ANO5: variants seen among roughly 807,000 people sequenced by gnomAD.
The protein encoded by ANO5 is anoctamin-5.
Under a neutral mutation model 121.0 loss-of-function variants are expected in ANO5, and 109 were observed. The ratio of observed to expected loss-of-function variants is 0.90; its 90% confidence interval spans 0.77 to 1.06. The LOEUF is 1.06. Among genes scored for constraint, ANO5 ranks in the 50% least tolerant of loss-of-function variants. The pLI is 0.00. For missense variants in ANO5, 1,064 were observed against 1,078.5 expected, an observed-to-expected ratio of 0.99 and a Z score of 0.19; for synonymous variants, 406 against 359.9, an observed-to-expected ratio of 1.13 and a Z score of -1.45.
intron 4 of ANO5, among the ~76,000 whole-genome samples, chr11:22,220,424 A>T (rs1852602391): frequency 6.6e-6 from 1 of 151,988 alleles, no homozygotes. Flanking sequence ...AACTAACTAC[A>T]CAACACGTGA....
chr11:22,247,228 T>C (rs960345529), intron 9 of ANO5, among the ~76,000 whole-genome samples: 1 of 151,634 alleles, frequency 6.6e-6, no homozygotes. Flanking sequence ...CACAAGAGCA[T>C]TGTGTGTTTG....
Position 22,280,880 on chromosome 11 carries a change from T to C in ANO5, c.*1115T>C, listed in dbSNP as rs1429184080. Reference sequence around the variant, plus strand: ...GTGATGTAACATCTTAAATGTAAGCTTGTCTTAATGAAATTGTCAGTGTAA... The same window carrying C: ...GTGATGTAACATCTTAAATGTAAGCCTGTCTTAATGAAATTGTCAGTGTAA... On this transcript the variant is annotated 3_prime_UTR_variant, in exon 22 of 22. Coordinates refer to ENST00000324559, the MANE Select transcript of ANO5 (RefSeq NM_213599.3). 6 of 151,970 alleles carry C rather than the reference T, an allele frequency of 3.9e-5. No individual in the cohort carries two copies. Among genetic ancestry groups the C allele is most frequent in the Non-Finnish European group, 7.4e-5 (5 of 67,866 alleles). 9.4% of individuals were successfully genotyped at this position (151,970 alleles called of 1,614,324 possible).
chr11:22,238,705 A>G (rs1229714069), intron 8 of ANO5, among the ~76,000 whole-genome samples: 1 of 152,008 alleles, frequency 6.6e-6, no homozygotes, highest in Non-Finnish European at 1.5e-5. Flanking sequence ...AAAGATTTTC[A>G]CACGTGCTAA....
intron 3 of ANO5, among the ~76,000 whole-genome samples, chr11:22,211,674 C>T (rs1852281177): frequency 6.6e-6 from 1 of 151,874 alleles, no homozygotes; most frequent in Non-Finnish European, 1.5e-5. Context: ...TATTCTTTCT[C>T]CACTGCATCA....
chr11:22,273,762 C>CAAAT (rs146714624), intron 19 of ANO5, among the ~76,000 whole-genome samples: 2,509 of 152,030 alleles, frequency 0.017, 66 homozygotes, highest in African/African-American at 0.057. Flanking sequence ...ACTGGAAAGA[C>CAAAT]AAAGTAAGTA....
chr11:22,252,433 G>C (rs1853857104), intron 12 of ANO5, among the ~76,000 whole-genome samples: 1 of 152,134 alleles, frequency 6.6e-6, no homozygotes, highest in South Asian at 2.1e-4. Flanking sequence ...AGAGGAGTGG[G>C]TGTGTGTGGA....
chr11:22,244,405 G>C (rs1355778432), intron 9 of ANO5, among the ~76,000 whole-genome samples: 2 of 151,922 alleles, frequency 1.3e-5, no homozygotes, highest in African/African-American at 2.4e-5. Flanking sequence ...TCTCATCAGG[G>C]TTCTCCATCT....
intron 18 of ANO5, 67 bp downstream of exon 18, chr11:22,270,509 C>T: frequency 6.6e-7 from 1 of 1,522,242 alleles, no homozygotes; most frequent in Non-Finnish European, 9.1e-7. Context: ...GCTCCAGATA[C>T]TTCTTTCTGC....
chr11:22,211,119 C>A (rs979433089), intron 2 of ANO5, 145 bp from the exon 3 acceptor site: 77 of 864,878 alleles, frequency 8.9e-5, no homozygotes, highest in Non-Finnish European at 6.1e-5. Flanking sequence ...CACATATATG[C>A]CCACAGTTTT....
At chr11:22,195,744 T>TGTTTCCTGGCTCA (rs1851791203) in intron 1 of ANO5, among the ~76,000 whole-genome samples, 5 of 152,082 alleles carry the variant, frequency 3.3e-5, no homozygotes, top group African/African-American at 9.7e-5. Context: ...ACTCCCCCAT[T>TGTTTCCTGGCTCA]TTAAAAAAGG....
intron 1 of ANO5, among the ~76,000 whole-genome samples, chr11:22,202,047 G>A (rs539818136): frequency 6.6e-6 from 1 of 151,994 alleles, no homozygotes; most frequent in African/African-American, 2.4e-5. Context: ...GGTTGGAGAG[G>A]TTGGTTGGTT....
rs760350070 is a variant in ANO5, at chr11:22,226,064, T to G, written c.363+12T>G. 2 of 1,581,850 alleles carry G rather than the reference T, an allele frequency of 1.3e-6. No homozygotes were observed. Among genetic ancestry groups the G allele is most frequent in the Non-Finnish European group, 1.7e-6 (2 of 1,151,710 alleles). On this transcript the variant is annotated intron_variant, in intron 6 of 21. Transcript: ENST00000324559. The stretch of plus-strand genomic sequence containing the variant: ...TAGAAGACAAAAGGGTAAATGTAGT[T>G]GATAATTTATACAAGCCTCTTTAAT...
At position 22,280,785 on chromosome 11, in the gene ANO5, T is replaced by C. The variant is rs1054492509; in HGVS notation, c.*1020T>C. 6.6e-6 allele frequency: 1 copy of C among 152,020 alleles called. No homozygotes were observed. The highest frequency in any genetic ancestry group is 2.1e-4 in the South Asian group (1 of 4,836). 9.4% of individuals were successfully genotyped at this position (152,020 alleles called of 1,614,324 possible). A position where few individuals can be genotyped will look rare whatever the true frequency, so the allele number is the denominator to read the frequency against. ...CCTTTTCTATTGATGTATCATCTTATACAATGCTCAGTGCCTTGTTCCAAT... is the reference window on the plus strand; with the variant it reads ...CCTTTTCTATTGATGTATCATCTTACACAATGCTCAGTGCCTTGTTCCAAT... On this transcript the variant is annotated 3_prime_UTR_variant, in exon 22 of 22. Transcript: ENST00000324559.
chr11:22,267,525 A>ATATATATATATATATATATATATATAT lies in ANO5; in HGVS notation c.1899-2787_1899-2786insTATATATATATATATATATATATATAT, dbSNP rs1239852095. 2.0e-3 allele frequency among the ~76,000 whole-genome samples: 282 copies of ATATATATATATATATATATATATATAT among 139,882 alleles called. 10 individuals carry two copies. In the East Asian group the frequency reaches 0.023, roughly 12 times the overall value. The allele number at this position is 139,882 out of a possible 152,430, so 91.8% of individuals were successfully genotyped here. Reference sequence around the variant, plus strand: ...ATCTACAATTATATATATATATATAAAATCTATCTACAATTATACCAAGTG... The same window carrying ATATATATATATATATATATATATATAT: ...ATCTACAATTATATATATATATATAATATATATATATATATATATATATATATAATCTATCTACAATTATACCAAGTG... On this transcript the variant is annotated intron_variant, in intron 17 of 21. Transcript: ENST00000324559.
At chr11:22,215,770 A>T (rs1432151854) in intron 3 of ANO5, among the ~76,000 whole-genome samples, 11 of 151,952 alleles carry the variant, frequency 7.2e-5, no homozygotes, top group Admixed American at 7.2e-4. Context: ...ACAAACTATA[A>T]TTTATGTAGA....
intron 12 of ANO5, among the ~76,000 whole-genome samples, chr11:22,252,029 C>CAAAAAAAAAAAAAAAAAAAAAAAAAA (rs10525160): frequency 6.5e-5 from 3 of 45,856 alleles, no homozygotes; most frequent in Admixed American, 4.8e-4. Flanking sequence ...GACGCCGTCT[C>CAAAAAAAAAAAAAAAAAAAAAAAAAA]AAAAAAAAAA....
At chr11:22,248,972 C>T (rs760464969) in intron 9 of ANO5, among the ~76,000 whole-genome samples, 4 of 151,966 alleles carry the variant, frequency 2.6e-5, no homozygotes, top group Admixed American at 2.6e-4. Flanking sequence ...ATAATTTCTA[C>T]ATTTTTCAGA....
intron 7 of ANO5, among the ~76,000 whole-genome samples, chr11:22,234,533 A>C (rs1853150529): frequency 6.6e-6 from 1 of 152,152 alleles, no homozygotes; most frequent in Non-Finnish European, 1.5e-5. Context: ...CTCTCAAACT[A>C]AATCCTGTTC....
intron 7 of ANO5, among the ~76,000 whole-genome samples, chr11:22,228,538 A>G (rs76908258): frequency 0.017 from 2,658 of 151,966 alleles, 38 homozygotes; most frequent in Middle Eastern, 0.027. Flanking sequence ...TTGATACTTT[A>G]TTGTTAATGT....
Sources: allele counts gnomAD v4.1 joint callset (sites outside exome capture counted in the v4.1 genomes callset), GRCh38; gene constraint gnomAD v4.1.1; transcripts MANE v1.5; gene names NCBI Gene and HGNC (gene_info 2026-07-23, HGNC 2026-07-21).